PTPRN2: variants seen among roughly 807,000 people sequenced by gnomAD.
PTPRN2 encodes protein tyrosine phosphatase receptor type N2, also known as receptor-type tyrosine-protein phosphatase N2.
Under a neutral mutation model 118.8 loss-of-function variants are expected in PTPRN2, and 74 were observed. The observed-to-expected ratio is 0.62, with a 90% confidence interval of 0.52 to 0.76. The LOEUF is 0.76. Ranked by LOEUF, PTPRN2 falls within the 30% of genes least tolerant of loss-of-function variation. The pLI, the probability that PTPRN2 is intolerant of heterozygous loss-of-function variation, is 0.00. For synonymous variants in PTPRN2, 641 were observed against 608.0 expected, an observed-to-expected ratio of 1.05 and a Z score of -0.80; for missense variants, 1,481 against 1,394.4, an observed-to-expected ratio of 1.06 and a Z score of -0.99.
At chr7:157,939,568 G>A (rs1799918844) in intron 11 of PTPRN2, among the ~76,000 whole-genome samples, 1 of 152,262 alleles carries the variant, frequency 6.6e-6, no homozygotes, top group Non-Finnish European at 1.5e-5. Flanking sequence ...ATCTGCATAT[G>A]AACCTAATTT....
intron 11 of PTPRN2, among the ~76,000 whole-genome samples, chr7:157,952,229 C>A (rs569252012): frequency 1.3e-5 from 2 of 152,142 alleles, no homozygotes; most frequent in African/African-American, 4.8e-5. Flanking sequence ...CAGACGCGGG[C>A]GATGGGGCCG....
intron 11 of PTPRN2, among the ~76,000 whole-genome samples, chr7:157,904,568 T>G (rs2128755473): frequency 6.6e-6 from 1 of 152,378 alleles, no homozygotes; most frequent in Non-Finnish European, 1.5e-5. Context: ...AGAGTCCAGC[T>G]TCTTGCCAGG....
intron 11 of PTPRN2, among the ~76,000 whole-genome samples, chr7:158,078,557 A>C (rs1812553615): frequency 6.6e-6 from 1 of 152,262 alleles, no homozygotes; most frequent in Non-Finnish European, 1.5e-5. Context: ...CTATCATGTC[A>C]GCCTGTCTAC....
At position 157,729,479 on chromosome 7, in the gene PTPRN2, T is replaced by C. The variant is rs927277393; in HGVS notation, c.1789-46542A>G. On this transcript the variant is annotated intron_variant, in intron 12 of 22. Coordinates refer to ENST00000389418, the MANE Select transcript of PTPRN2 (RefSeq NM_002847.5). The surrounding 1 kb of genome is among the most constrained non-coding windows in gnomAD (Gnocchi z 4.3). ...CTTCTCTTTGAGGAAATGTTTCCGC[T>C]GCTAAAATGCAAAGTTCCCCGAAGG... is the stretch of plus-strand genomic sequence containing the variant. Among the ~76,000 whole-genome samples, 1 of 152,188 alleles carries C rather than the reference T, an allele frequency of 6.6e-6. No homozygotes were observed. Among genetic ancestry groups the C allele is most frequent in the African/African-American group, 2.4e-5 (1 of 41,442 alleles).
chr7:158,146,178 G>C (rs1386825649), intron 6 of PTPRN2, among the ~76,000 whole-genome samples: 2 of 152,134 alleles, frequency 1.3e-5, no homozygotes, highest in East Asian at 1.9e-4. Flanking sequence ...GAGCCCCTTA[G>C]ATGCTCAGTC....
At chr7:157,672,419 G>C (rs1796462128) in intron 13 of PTPRN2, among the ~76,000 whole-genome samples, 1 of 151,878 alleles carries the variant, frequency 6.6e-6, no homozygotes, top group Non-Finnish European at 1.5e-5. Context: ...TCACACACCA[G>C]CTCCAGTTTC....
chr7:158,287,037 C>T (rs1799814523), intron 3 of PTPRN2, among the ~76,000 whole-genome samples: 1 of 150,068 alleles, frequency 6.7e-6, no homozygotes, highest in South Asian at 2.1e-4. Flanking sequence ...TGTTATTGGT[C>T]TGTTCAGATT....
chr7:158,063,499 G>C (rs1008525909), intron 11 of PTPRN2, among the ~76,000 whole-genome samples: 2 of 152,196 alleles, frequency 1.3e-5, no homozygotes, highest in African/African-American at 2.4e-5. Context: ...CAGGCTGCCC[G>C]AGCCAGCAGT....
chr7:157,584,729 A>G (rs1241476499), intron 17 of PTPRN2, among the ~76,000 whole-genome samples: 2 of 152,236 alleles, frequency 1.3e-5, no homozygotes, highest in Non-Finnish European at 2.9e-5. Context: ...GAGTCAGTTA[A>G]TGGGAAAACA....
chr7:158,282,169 T>C (rs894439280), intron 3 of PTPRN2, among the ~76,000 whole-genome samples: 2 of 135,710 alleles, frequency 1.5e-5, no homozygotes, highest in African/African-American at 5.4e-5. Context: ...GTCTCAGGAG[T>C]GGCTCTGCCT....
rs578032429 is a variant in PTPRN2, at chr7:158,207,730, A to G, written c.278-2457T>C. Among the ~76,000 whole-genome samples, 66 of 152,342 alleles carry G rather than the reference A, an allele frequency of 4.3e-4. 1 individual carries two copies. The South Asian group carries it at 0.013, about 29-fold the overall frequency. ...CAATAAATACCTAACTCAGACACCA[A>G]CAAACATCCAAGAGCATCAAGACTA... is the stretch of plus-strand genomic sequence containing the variant. On this transcript the variant is annotated intron_variant, in intron 3 of 22. Transcript: ENST00000389418.
chr7:158,317,945 G>T (rs553049324), intron 2 of PTPRN2, among the ~76,000 whole-genome samples: 34 of 152,216 alleles, frequency 2.2e-4, no homozygotes, highest in Admixed American at 1.7e-3. Context: ...GGGTTTCTAT[G>T]GGACTTTGCA....
intron 2 of PTPRN2, among the ~76,000 whole-genome samples, chr7:158,337,151 C>A (rs1586351081): frequency 6.6e-6 from 1 of 152,078 alleles, no homozygotes; most frequent in African/African-American, 2.4e-5. Context: ...ATACTCTCAC[C>A]ATAAGAGGTG....
chr7:157,680,190 C>T (rs1382138426), intron 13 of PTPRN2, among the ~76,000 whole-genome samples: 4 of 152,100 alleles, frequency 2.6e-5, no homozygotes, highest in Non-Finnish European at 5.9e-5. Flanking sequence ...CCAGCATGTC[C>T]CCATGAAATA....
intron 2 of PTPRN2, among the ~76,000 whole-genome samples, chr7:158,330,031 G>C (rs914289864): frequency 9.0e-4 from 110 of 122,762 alleles, no homozygotes; most frequent in Middle Eastern, 9.8e-3. Context: ...ACCATAAGAG[G>C]TGACATCTGC....
Position 157,676,091 on chromosome 7 carries a change from G to A in PTPRN2, c.2001+6634C>T, listed in dbSNP as rs760527395. On this transcript the variant is annotated intron_variant, in intron 13 of 22. Coordinates refer to ENST00000389418, the MANE Select transcript of PTPRN2 (RefSeq NM_002847.5). The surrounding 1 kb of genome is among the most constrained non-coding windows in gnomAD (Gnocchi z 5.6). ...AGACTGCAGGGTTTGTCCTTGTCAC[G>A]AACTCAAAGAGCTGACCTCTCTGGG... is the stretch of plus-strand genomic sequence containing the variant. Among the ~76,000 whole-genome samples, 3 of 151,966 alleles carry A rather than the reference G, an allele frequency of 2.0e-5. No individual in the cohort carries two copies. Among genetic ancestry groups the A allele is most frequent in the Non-Finnish European group, 2.9e-5 (2 of 67,984 alleles).
intron 10 of PTPRN2, among the ~76,000 whole-genome samples, chr7:158,085,087 TCCACACCCA>T (rs1224605440): frequency 2.8e-5 from 3 of 106,028 alleles, no homozygotes; most frequent in Non-Finnish European, 5.6e-5. Flanking sequence ...CAGATGCCCA[TCCACACCCA>T]CCACACCCAT....
chr7:157,966,363 T>A lies in PTPRN2; in HGVS notation c.1724-67626A>T, dbSNP rs1035553871. ...ACCACCATCATTTTCATTATCAACATCTTCATCACCATCATTACCATCATC... is the reference window on the plus strand; with the variant it reads ...ACCACCATCATTTTCATTATCAACAACTTCATCACCATCATTACCATCATC... On this transcript the variant is annotated intron_variant, in intron 11 of 22. Transcript: ENST00000389418. Among the ~76,000 whole-genome samples, 3 of 151,974 alleles carry A rather than the reference T, an allele frequency of 2.0e-5. No homozygotes were observed. In the South Asian group the frequency reaches 6.3e-4, roughly 32 times the overall value.
chr7:158,154,896 A>G (rs1363922297), intron 6 of PTPRN2, among the ~76,000 whole-genome samples: 1 of 152,212 alleles, frequency 6.6e-6, no homozygotes, highest in Non-Finnish European at 1.5e-5. Flanking sequence ...TTATCTCAGA[A>G]GCATCCACTA....
Sources: gnomAD v4.1 joint callset for allele counts (sites outside exome capture counted in the v4.1 genomes callset) on GRCh38, gnomAD v4.1.1 for gene constraint, Gnocchi (gnomAD v3.1) non-coding constraint, MANE v1.5 for transcripts, NCBI Gene and HGNC (gene_info 2026-07-23, HGNC 2026-07-21) for gene names.